SHOX: variants seen among roughly 807,000 people sequenced by gnomAD.
The protein encoded by SHOX is short stature homeobox protein.
Under a neutral mutation model 29.6 loss-of-function variants are expected in SHOX, and 12 were observed. The ratio of observed to expected loss-of-function variants is 0.41; its 90% CI spans 0.26 to 0.66. SHOX has a LOEUF of 0.66. Ranked by LOEUF, SHOX falls within the 30% of genes least tolerant of loss-of-function variation. The probability of loss-of-function intolerance (pLI) is 0.35; values close to 1 mark genes in which losing one functional copy is unlikely to be tolerated. For missense variants in SHOX, 499 were observed against 437.7 expected, an observed-to-expected ratio of 1.14 and a Z score of -1.25; for synonymous variants, 214 against 200.6, an observed-to-expected ratio of 1.07 and a Z score of -0.57.
At chrX:642,085 C>A (rs1292733265) in intron 4 of SHOX, among the ~76,000 whole-genome samples, 1 of 152,178 alleles carries the variant, frequency 6.6e-6, no homozygotes, top group Non-Finnish European at 1.5e-5. Context: ...CCAAGCTTCC[C>A]AAGGGCGCCC....
chrX:652,788 C>T (rs1217222551), downstream of SHOX, among the ~76,000 whole-genome samples: 1 of 152,164 alleles, frequency 6.6e-6, no homozygotes, highest in Non-Finnish European at 1.5e-5. Context: ...CTTCACCCAG[C>T]CTGTGTGTGT....
intron 4 of SHOX, among the ~76,000 whole-genome samples, chrX:644,176 C>A (rs2052920294): frequency 6.6e-6 from 1 of 152,170 alleles, no homozygotes; most frequent in Admixed American, 6.5e-5. Context: ...GTTCGGATTC[C>A]CCTGGCCCGG....
chrX:638,334 A>C (rs2052792664), intron 2 of SHOX, among the ~76,000 whole-genome samples: 1 of 151,948 alleles, frequency 6.6e-6, no homozygotes, highest in African/African-American at 2.4e-5. Context: ...TCTTTTTTGA[A>C]AAATGCCCTT....
At position 647,251 on chromosome X, in the gene SHOX, G is replaced by C. The variant is rs887591953; in HGVS notation, c.*2615G>C. Among the ~76,000 whole-genome samples the C allele has an allele frequency of 2.0e-5, 3 of 146,526 alleles. No homozygotes were observed. Among genetic ancestry groups the C allele is most frequent in the East Asian group, 4.1e-4 (2 of 4,910 alleles). On this transcript the variant is annotated 3_prime_UTR_variant, in exon 5 of 5. Coordinates refer to ENST00000686671, the MANE Select transcript of SHOX (RefSeq NM_000451.4). ...GCCACCAGGCCTGGGTAACTTTCTGGTATTTTTAGTAGAGACAGGGTTTCA... is the reference window on the plus strand; with the variant it reads ...GCCACCAGGCCTGGGTAACTTTCTGCTATTTTTAGTAGAGACAGGGTTTCA...
At chrX:639,741 C>T (rs1436926452) in intron 2 of SHOX, among the ~76,000 whole-genome samples, 1 of 152,254 alleles carries the variant, frequency 6.6e-6, no homozygotes, top group East Asian at 1.9e-4. Flanking sequence ...GTGGCTCACA[C>T]CTCTAATCCC....
chrX:656,581 CCT>C (rs2053149351), downstream of SHOX, among the ~76,000 whole-genome samples: 1 of 152,126 alleles, frequency 6.6e-6, no homozygotes. Flanking sequence ...GTGGCTCAAG[CCT>C]GTGATCCCAG....
Position 649,332 on chromosome X carries a change from C to T in SHOX, c.*4696C>T, listed in dbSNP as rs2053018326. 6.6e-6 allele frequency among the ~76,000 whole-genome samples: 1 copy of T among 152,148 alleles called. No homozygotes were observed. Among genetic ancestry groups the T allele is most frequent in the Non-Finnish European group, 1.5e-5 (1 of 68,046 alleles). On this transcript the variant is annotated 3_prime_UTR_variant, in exon 5 of 5. Transcript: ENST00000686671. ...GGGATTACGGGGTGAGGCACCGCGC[C>T]CGGCCTCCTCTCTCTTTTTCTGAGA...
chrX:654,076 T>C (rs2053104443), downstream of SHOX, among the ~76,000 whole-genome samples: 1 of 152,176 alleles, frequency 6.6e-6, no homozygotes, highest in South Asian at 2.1e-4. Context: ...TGCTGAGAGT[T>C]AAAAGTTAAA....
At position 650,555 on chromosome X, in the gene SHOX, T is replaced by C; in HGVS notation, c.*5919T>C. On this transcript the variant is annotated 3_prime_UTR_variant, in exon 5 of 5. Transcript: ENST00000686671. ...GGATGAAAGGGAAATACCAGAGTCC[T>C]CTGTCCTCGCCTCTGGGTTTCATGC... 6.6e-6 allele frequency among the ~76,000 whole-genome samples: 1 copy of C among 152,114 alleles called. No individual in the cohort carries two copies. Among genetic ancestry groups the C allele is most frequent in the Middle Eastern group, 3.4e-3 (1 of 294 alleles).
At chrX:634,477 C>A in intron 1 of SHOX, 141 bp from the exon 2 acceptor site, 1 of 865,412 alleles carries the variant, frequency 1.2e-6, no homozygotes, top group South Asian at 1.4e-5. Flanking sequence ...CGGCTTTTGC[C>A]TTATGGACCC....
chrX:644,664 G>T lies in SHOX; in HGVS notation c.*28G>T. 1.4e-6 allele frequency: 2 copies of T among 1,426,026 alleles called. No individual in the cohort carries two copies. The highest frequency in any genetic ancestry group is 1.5e-5 in the South Asian group (1 of 67,866). The allele number at this position is 1,426,026 out of a possible 1,614,324, so 88.3% of individuals were successfully genotyped here. A position where few individuals can be genotyped will look rare whatever the true frequency, so the allele number is the denominator to read the frequency against. On this transcript the variant is annotated 3_prime_UTR_variant, in exon 5 of 5. Transcript: ENST00000686671. ...CGCCGCGCAGCCCCCCGCGCGCCCG[G>T]ACTCCCGGGCTCCGCGCACCCCGCC...
At chrX:657,775 GA>G (rs1361629824) in intron 5 of SHOX, among the ~76,000 whole-genome samples, 1 of 152,124 alleles carries the variant, frequency 6.6e-6, no homozygotes, top group Non-Finnish European at 1.5e-5. Flanking sequence ...ACAGAGTAGA[GA>G]AATGTCACCC....
intron 2 of SHOX, among the ~76,000 whole-genome samples, chrX:635,031 C>T (rs954400004): frequency 6.6e-6 from 1 of 152,010 alleles, no homozygotes; most frequent in African/African-American, 2.4e-5. Context: ...TTGTTTTTCA[C>T]CAACAGCAAA....
At position 624,926 on chromosome X, in the gene SHOX, CT is replaced by C. The variant is rs1313010769; in HGVS notation, c.-433+327del. 2.4e-3 allele frequency among the ~76,000 whole-genome samples: 163 copies of C among 68,208 alleles called. 6 individuals carry two copies. Among genetic ancestry groups the C allele is most frequent in the African/African-American group, 0.012 (152 of 13,116 alleles). The allele number at this position is 68,208 out of a possible 152,430, so 44.7% of individuals were successfully genotyped here. ...TCTCTCTTCCTTTCTTTCTTTCTTT[CT>C]TTCTTTTCTTTCTTTCACTTGGCAA... On this transcript the variant is annotated intron_variant, in intron 1 of 5. Coordinates refer to the SHOX transcript ENST00000334060.
chrX:640,385 C>G (rs1036720689), intron 2 of SHOX, among the ~76,000 whole-genome samples: 1 of 151,678 alleles, frequency 6.6e-6, no homozygotes, highest in Non-Finnish European at 1.5e-5. Flanking sequence ...AGAGACCAGC[C>G]TGGCCAACAT....
rs2052943417 is a variant in SHOX, at chrX:645,197, C to G, written c.*561C>G. On this transcript the variant is annotated 3_prime_UTR_variant, in exon 5 of 5. Coordinates refer to ENST00000686671, the MANE Select transcript of SHOX (RefSeq NM_000451.4). ...TCCTCCACCGCTCCCCCGGAGCCTC[C>G]CAGGCAGCAATAAGGAAATAGTTCT... The G allele has an allele frequency of 6.6e-6, 1 of 152,262 alleles. No individual in the cohort carries two copies. The highest frequency in any genetic ancestry group is 2.4e-5 in the African/African-American group (1 of 41,446). The allele number at this position is 152,262 out of a possible 1,614,324, so 9.4% of individuals were successfully genotyped here.
chrX:634,230 C>T (rs1017870199), intron 1 of SHOX, among the ~76,000 whole-genome samples: 3 of 152,216 alleles, frequency 2.0e-5, no homozygotes, highest in Admixed American at 2.0e-4. Flanking sequence ...GGGTCCTCCC[C>T]GTGTCCTTCC....
intron 1 of SHOX, among the ~76,000 whole-genome samples, chrX:625,764 ATC>A (rs2052518844): frequency 1.1e-5 from 1 of 90,828 alleles, no homozygotes; most frequent in African/African-American, 4.5e-5. Context: ...CTCTGTCTGT[ATC>A]TCTGTCTGTC....
In SHOX at chrX:650,318, G is replaced by T. The variant is rs987200942; in HGVS notation, c.*5682G>T. On this transcript the variant is annotated 3_prime_UTR_variant, in exon 5 of 5. Coordinates refer to ENST00000686671, the MANE Select transcript of SHOX (RefSeq NM_000451.4). The stretch of plus-strand genomic sequence containing the variant: ...CCGCTCCAAAGACGCCCTGTCGTAG[G>T]AATGGCCTCTCCATCCCGCCAAAGT... Among the ~76,000 whole-genome samples, 5 of 146,992 alleles carry T rather than the reference G, an allele frequency of 3.4e-5. No individual in the cohort carries two copies. Among genetic ancestry groups the T allele is most frequent in the African/African-American group, 1.3e-4 (5 of 39,618 alleles).
Sources: allele counts gnomAD v4.1 joint callset (sites outside exome capture counted in the v4.1 genomes callset), GRCh38; gene constraint gnomAD v4.1.1; transcripts MANE v1.5; gene names NCBI Gene and HGNC (gene_info 2026-07-23, HGNC 2026-07-21).